DNAH8: variants seen among roughly 807,000 people sequenced by gnomAD.
DNAH8 encodes the protein dynein axonemal heavy chain 8, also known as axonemal beta dynein heavy chain 8.
Under a neutral mutation model 562.1 loss-of-function variants are expected in DNAH8, and 382 were observed. The ratio of observed to expected loss-of-function variants is 0.68; its 90% CI spans 0.63 to 0.74. The LOEUF (loss-of-function observed/expected upper bound fraction) is 0.74. Among genes scored for constraint, DNAH8 ranks in the 30% least tolerant of loss-of-function variants. The pLI, the probability that DNAH8 is intolerant of heterozygous loss-of-function variation, is 0.00. For synonymous variants in DNAH8, 1,881 were observed against 1,919.4 expected, an observed-to-expected ratio of 0.98 and a Z score of 0.52; for missense variants, 5,203 against 5,620.4, an observed-to-expected ratio of 0.93 and a Z score of 2.37.
intron 23 of DNAH8, among the ~76,000 whole-genome samples, chr6:38,806,960 T>G (rs1771334025): frequency 6.6e-6 from 1 of 152,166 alleles, no homozygotes; most frequent in African/African-American, 2.4e-5. Flanking sequence ...GGCCGGGTTC[T>G]AGAGCAGTGA....
rs531886931 is a variant in DNAH8 at position 38,750,680 on chromosome 6, G to A, written c.1407+91G>A. ...CTCAGAAGGCTGAGGTGGAAGGATCGCTTGAGCCCAGGAGTGCAAGGCTGC... is the reference window on the plus strand; with the variant it reads ...CTCAGAAGGCTGAGGTGGAAGGATCACTTGAGCCCAGGAGTGCAAGGCTGC... On this transcript the variant is annotated intron_variant, in intron 9 of 92. Transcript: ENST00000327475. The A allele has an allele frequency of 7.5e-5, 57 of 763,134 alleles. No homozygotes were observed. In the South Asian group the frequency reaches 9.9e-4, roughly 13 times the overall value. 47.3% of individuals were successfully genotyped at this position (763,134 alleles called of 1,614,324 possible). A position where few individuals can be genotyped will look rare whatever the true frequency, so the allele number is the denominator to read the frequency against.
chr6:38,797,103 T>A (rs1210144916), intron 21 of DNAH8, among the ~76,000 whole-genome samples: 2 of 152,144 alleles, frequency 1.3e-5, no homozygotes, highest in Non-Finnish European at 2.9e-5. Flanking sequence ...GTCAACAAAA[T>A]CAACTTGGGG....
chr6:38,918,654 G>GAAA (rs1335444717), intron 70 of DNAH8, among the ~76,000 whole-genome samples: 1 of 152,110 alleles, frequency 6.6e-6, no homozygotes, highest in South Asian at 2.1e-4. Flanking sequence ...AGAAGATAAT[G>GAAA]AAAAAACATA....
At chr6:39,005,237 C>A (rs1228281066) in intron 88 of DNAH8, among the ~76,000 whole-genome samples, 1 of 152,056 alleles carries the variant, frequency 6.6e-6, no homozygotes. Context: ...AATGGTGAAA[C>A]CCCCTCTCTA....
chr6:38,895,804 AC>A (rs1325510646), intron 59 of DNAH8, among the ~76,000 whole-genome samples: 2 of 152,090 alleles, frequency 1.3e-5, no homozygotes, highest in African/African-American at 4.8e-5. Context: ...AGTTTTAGGG[AC>A]CTTTGATCTC....
intron 62 of DNAH8, among the ~76,000 whole-genome samples, chr6:38,905,714 C>G (rs542568101): frequency 1.5e-4 from 23 of 152,128 alleles, no homozygotes; most frequent in Non-Finnish European, 2.9e-4. Flanking sequence ...CCCTGTTTCT[C>G]AGTTCTCAGC....
chr6:38,962,619 G>A (rs1762674055), intron 82 of DNAH8, among the ~76,000 whole-genome samples: 1 of 152,078 alleles, frequency 6.6e-6, no homozygotes, highest in African/African-American at 2.4e-5. Flanking sequence ...AACTCTAAAT[G>A]TTAGGTCGAT....
At chr6:38,970,988 A>G (rs1029880967) in intron 82 of DNAH8, among the ~76,000 whole-genome samples, 2 of 152,114 alleles carry the variant, frequency 1.3e-5, no homozygotes, top group African/African-American at 4.8e-5. Flanking sequence ...CAAGGTGGTG[A>G]TTTAATCTGA....
In DNAH8 at chr6:38,872,641, G is replaced by C. The variant is rs549318995; in HGVS notation, c.7096G>C (p.Gly2366Arg). ...TILMKAQTEC[G>R]RPHREMRMNP... Reference sequence around the variant, plus strand: ...TCTAATGAAGGCGCAAACAGAATGCGGAAGGCCTCATAGAGAAATGCGAAT... The same window carrying C: ...TCTAATGAAGGCGCAAACAGAATGCCGAAGGCCTCATAGAGAAATGCGAAT... Residue 2366 changes from glycine (G) to arginine (R), a missense_variant, in exon 50 of 93, where the codon GGA becomes CGA. Transcript: ENST00000327475. 2.5e-6 allele frequency: 4 copies of C among 1,613,982 alleles called. No individual in the cohort carries two copies. The highest frequency in any genetic ancestry group is 3.4e-6 in the Non-Finnish European group (4 of 1,179,988).
intron 36 of DNAH8, among the ~76,000 whole-genome samples, chr6:38,847,393 G>A (rs977668130): frequency 6.6e-6 from 1 of 151,582 alleles, no homozygotes; most frequent in African/African-American, 2.4e-5. Context: ...TGCCATGTTG[G>A]TTTACATGTC....
chr6:38,860,589 G>T lies in DNAH8; in HGVS notation c.6091G>T (p.Gly2031Ter). The T allele has an allele frequency of 6.5e-7, 1 of 1,542,820 alleles. No homozygotes were observed. Among genetic ancestry groups the T allele is most frequent in the African/African-American group, 1.4e-5 (1 of 70,738 alleles). ...VDFIYQNEFLGCTDRLVITPL... is the reference protein window; with the variant it reads ...VDFIYQNEFL Reference sequence around the variant, plus strand: ...TTTTATTTACCAAAATGAATTTCTGGGATGTACTGATCGTCTTGTTATCAC... The same window carrying T: ...TTTTATTTACCAAAATGAATTTCTGTGATGTACTGATCGTCTTGTTATCAC... The change falls in exon 43 of 93, where the codon GGA becomes TGA. Residue 2031 changes from glycine (G) to a stop codon, truncating the protein, a stop_gained. Coordinates refer to ENST00000327475, the MANE Select transcript of DNAH8 (RefSeq NM_001206927.2). LOFTEE classifies it high-confidence loss of function.
In DNAH8 at chr6:38,826,368, G is replaced by A. The variant is rs1773317958; in HGVS notation, c.4060G>A (p.Asp1354Asn). ...CATACGTGATAATGAAATTCAAATG[G>A]ACATGACTTTGGGACCAATTGAAGT... The part of the protein sequence containing the change: ...SCIRDNEIQM[D>N]MTLGPIEEAY... Residue 1354 changes from aspartate to asparagine, a missense_variant, in exon 29 of 93, where the codon GAC becomes AAC. Physicochemically the swap from Asp to Asn is conservative, Grantham distance 23. Around this residue, in one of 6 missense-constraint regions of DNAH8, gnomAD observed 2,176 missense variants for 2,365.1 expected, o/e 0.92. Transcript: ENST00000327475. The A allele has an allele frequency of 6.2e-7, 1 of 1,607,510 alleles. No individual in the cohort carries two copies. Among genetic ancestry groups the A allele is most frequent in the Non-Finnish European group, 8.5e-7 (1 of 1,177,706 alleles).
intron 1 of DNAH8, among the ~76,000 whole-genome samples, chr6:38,716,251 A>G (rs1237214267): frequency 6.6e-6 from 1 of 151,344 alleles, no homozygotes; most frequent in Non-Finnish European, 1.5e-5. Flanking sequence ...ATGAGCCACC[A>G]CGCCCGGCCA....
intron 10 of DNAH8, among the ~76,000 whole-genome samples, chr6:38,760,821 C>T (rs1013492887): frequency 6.6e-6 from 1 of 152,250 alleles, no homozygotes; most frequent in Non-Finnish European, 1.5e-5. Context: ...TGATTGTAAG[C>T]TTCCTGGGGT....
chr6:38,981,170 A>G (rs553005247), intron 85 of DNAH8, among the ~76,000 whole-genome samples: 32 of 152,196 alleles, frequency 2.1e-4, no homozygotes, highest in African/African-American at 7.2e-4. Context: ...TCTCCACATG[A>G]GTCCTCACCT....
chr6:38,758,817 A>G lies in DNAH8; in HGVS notation c.1515+2738A>G, dbSNP rs7751114. On this transcript the variant is annotated intron_variant, in intron 10 of 92. Transcript: ENST00000327475. ...GGTTTTTGTCTTTGGTTCTGTTTAT[A>G]TGCTGGATTATGTTTATTGATTTGT... 3.7e-3 allele frequency among the ~76,000 whole-genome samples: 557 copies of G among 152,240 alleles called. 3 individuals carry two copies. The highest frequency in any genetic ancestry group is 0.013 in the African/African-American group (530 of 41,550).
rs1775511430 is a variant in DNAH8, at chr6:38,848,813, T to C, written c.5199+12T>C. The C allele has an allele frequency of 1.2e-6, 2 of 1,611,548 alleles. No homozygotes were observed. The highest frequency in any genetic ancestry group is 1.1e-5 in the South Asian group (1 of 90,914). On this transcript the variant is annotated intron_variant, in intron 37 of 92. Transcript: ENST00000327475. ...AACAGCTGCCTCAGGTAAATATGGC[T>C]TTTGTAATTACTGATAAAATAATTT...
chr6:38,966,080 G>T (rs191140270), intron 82 of DNAH8, among the ~76,000 whole-genome samples: 4 of 152,024 alleles, frequency 2.6e-5, no homozygotes, highest in Non-Finnish European at 5.9e-5. Context: ...TTTTTTGAAA[G>T]ATCAATAAAA....
At position 38,779,988 on chromosome 6, in the gene DNAH8, T is replaced by C. The variant is rs762629034; in HGVS notation, c.2062T>C (p.Cys688Arg). ...LQRFQKLNIP[C>R]LGLEINHTIE... ...TAGGTTTCAGAAGCTGAACATTCCC[T>C]GTCTGGGATTAGAAATAAACCACAC... is the stretch of plus-strand genomic sequence containing the variant. Residue 688 changes from cysteine (C) to arginine (R), a missense_variant, in exon 15 of 93, where the codon TGT becomes CGT. This residue lies in a region of DNAH8 where 2,176 missense variants were observed against 2,365.1 expected (regional missense o/e 0.92). Coordinates refer to ENST00000327475, the MANE Select transcript of DNAH8 (RefSeq NM_001206927.2). The C allele has an allele frequency of 4.2e-5, 68 of 1,614,066 alleles. No individual in the cohort carries two copies. The highest frequency in any genetic ancestry group is 5.7e-5 in the Non-Finnish European group (67 of 1,179,976).
Sources: gnomAD v4.1 joint callset for allele counts (sites outside exome capture counted in the v4.1 genomes callset) on GRCh38, gnomAD v4.1.1 for gene constraint, gnomAD v4.1.1 regional missense constraint, MANE v1.5 for transcripts, NCBI Gene and HGNC (gene_info 2026-07-23, HGNC 2026-07-21) for gene names.